NRXN3: variants seen among roughly 807,000 people sequenced by gnomAD.
The protein encoded by NRXN3 is neurexin 3.
Under a neutral mutation model 137.6 loss-of-function variants are expected in NRXN3, and 32 were observed. That is an observed-to-expected ratio of 0.23 (90% CI 0.18 to 0.31). The LOEUF (loss-of-function observed/expected upper bound fraction) is 0.31, where lower values mean the gene tolerates loss of function less well. Ranked by LOEUF, NRXN3 falls within the 10% of genes least tolerant of loss-of-function variation. The pLI, the probability that NRXN3 is intolerant of heterozygous loss-of-function variation, is 1.00. For synonymous variants in NRXN3, 798 were observed against 784.5 expected, an observed-to-expected ratio of 1.02 and a Z score of -0.29; for missense variants, 1,574 against 2,062.5, an observed-to-expected ratio of 0.76 and a Z score of 4.59.
chr14:79,045,892 A>G (rs1035303073), intron 15 of NRXN3, among the ~76,000 whole-genome samples: 11 of 152,150 alleles, frequency 7.2e-5, no homozygotes, highest in African/African-American at 2.7e-4. Flanking sequence ...ATATTTTAAA[A>G]ACTCCCAAGT....
At chr14:78,728,100 T>C (rs2098495265) in intron 8 of NRXN3, among the ~76,000 whole-genome samples, 1 of 152,212 alleles carries the variant, frequency 6.6e-6, no homozygotes, top group African/African-American at 2.4e-5. Flanking sequence ...GAATCCTTGA[T>C]GAGATCTGTC....
intron 15 of NRXN3, among the ~76,000 whole-genome samples, chr14:79,116,910 T>TC (rs1434505595): frequency 1.3e-5 from 2 of 152,240 alleles, no homozygotes; most frequent in East Asian, 3.8e-4. Flanking sequence ...TTCCTTCTTC[T>TC]CCATGCCTTG....
chr14:79,641,077 G>A (rs1225530475), intron 16 of NRXN3, among the ~76,000 whole-genome samples: 2 of 133,270 alleles, frequency 1.5e-5, no homozygotes, highest in East Asian at 4.0e-4. Context: ...GTACAATCTC[G>A]GCTCACTGTA....
intron 20 of NRXN3, among the ~76,000 whole-genome samples, chr14:79,831,680 A>T (rs1022295501): frequency 6.6e-6 from 1 of 152,158 alleles, no homozygotes; most frequent in Admixed American, 6.6e-5. Flanking sequence ...CCGACTACTC[A>T]TGAGAGACTA....
chr14:78,589,836 A>T (rs535582869), intron 4 of NRXN3, among the ~76,000 whole-genome samples: 1 of 152,292 alleles, frequency 6.6e-6, no homozygotes, highest in Admixed American at 6.5e-5. Context: ...CAGAGAAAAG[A>T]ATCAAATGGC....
At chr14:79,385,204 T>TCCCCCCCCCCCC (rs557799323) in intron 15 of NRXN3, among the ~76,000 whole-genome samples, 27 of 90,520 alleles carry the variant, frequency 3.0e-4, no homozygotes, top group South Asian at 9.6e-4. Flanking sequence ...ATGCTATCCT[T>TCCCCCCCCCCCC]CCCCCCGCCC....
At chr14:78,314,876 CCGTTCTTTCTTTCTTTCT>C (rs368012901) in intron 4 of NRXN3, among the ~76,000 whole-genome samples, 2,981 of 110,696 alleles carry the variant, frequency 0.027, 83 homozygotes, top group African/African-American at 0.059. Flanking sequence ...TTTTTCTTTT[CCGTTCTTTCTTTCTTTCT>C]CTTTCTTTCT....
intron 2 of NRXN3, among the ~76,000 whole-genome samples, chr14:78,267,674 A>G (rs1161370897): frequency 2.0e-5 from 3 of 152,190 alleles, no homozygotes; most frequent in Non-Finnish European, 4.4e-5. Context: ...AAAAAAAATA[A>G]AAGATTTCTC....
intron 19 of NRXN3, among the ~76,000 whole-genome samples, chr14:79,796,662 C>A (rs1263244768): frequency 6.6e-6 from 1 of 152,170 alleles, no homozygotes; most frequent in Non-Finnish European, 1.5e-5. Flanking sequence ...TTAATTAAAT[C>A]TTGAGTCTGC....
At chr14:79,279,301 G>C (rs1438095333) in intron 15 of NRXN3, 1 of 962,274 alleles carries the variant, frequency 1.0e-6, no homozygotes, top group Non-Finnish European at 1.2e-6. Flanking sequence ...CAGAGCGCTG[G>C]GGCTGCACTG....
intron 10 of NRXN3, among the ~76,000 whole-genome samples, chr14:78,868,970 G>A (rs962115191): frequency 3.3e-5 from 5 of 152,298 alleles, no homozygotes; most frequent in Non-Finnish European, 7.3e-5. Flanking sequence ...CGGAGTAACT[G>A]TAGGTCCCGC....
chr14:79,091,151 G>T (rs1326319226), intron 15 of NRXN3, among the ~76,000 whole-genome samples: 4 of 149,876 alleles, frequency 2.7e-5, no homozygotes, highest in Non-Finnish European at 5.9e-5. Context: ...AAAACATTCT[G>T]TCTTGATCAA....
chr14:78,367,506 C>T (rs1278404770), intron 4 of NRXN3, among the ~76,000 whole-genome samples: 1 of 152,158 alleles, frequency 6.6e-6, no homozygotes, highest in Non-Finnish European at 1.5e-5. Context: ...TTACAATTCA[C>T]AACCAACCAG....
At chr14:78,202,271 A>G (rs557204189) in intron 1 of NRXN3, among the ~76,000 whole-genome samples, 1 of 152,394 alleles carries the variant, frequency 6.6e-6, no homozygotes, top group South Asian at 2.1e-4. Flanking sequence ...GTCTGCAGTC[A>G]GAGAGGATTT....
intron 8 of NRXN3, among the ~76,000 whole-genome samples, chr14:78,761,170 C>T (rs1409298568): frequency 6.6e-6 from 1 of 152,238 alleles, no homozygotes; most frequent in South Asian, 2.1e-4. Flanking sequence ...CAAAATTCCC[C>T]GCAATCGCTC....
chr14:78,670,824 G>A (rs2097926830), intron 6 of NRXN3, among the ~76,000 whole-genome samples: 1 of 152,168 alleles, frequency 6.6e-6, no homozygotes, highest in Admixed American at 6.6e-5. Context: ...AGAAGTTTCT[G>A]GTTTGGCAAC....
intron 4 of NRXN3, among the ~76,000 whole-genome samples, chr14:78,445,692 C>A (rs538690898): frequency 6.6e-6 from 1 of 152,336 alleles, no homozygotes; most frequent in Middle Eastern, 3.4e-3. Context: ...GAAAGACCAA[C>A]TATTGTTCAC....
intron 14 of NRXN3, among the ~76,000 whole-genome samples, chr14:78,982,364 G>A (rs1007864577): frequency 1.3e-5 from 2 of 152,076 alleles, no homozygotes; most frequent in Non-Finnish European, 2.9e-5. Flanking sequence ...AGACAGACAA[G>A]GCTTCTGCCC....
chr14:78,568,402 CT>C (rs1359013943), intron 4 of NRXN3, among the ~76,000 whole-genome samples: 1 of 152,190 alleles, frequency 6.6e-6, no homozygotes, highest in Non-Finnish European at 1.5e-5. Context: ...TAATCTTGGA[CT>C]TCCAAGCCCC....
Sources: allele counts gnomAD v4.1 joint callset (sites outside exome capture counted in the v4.1 genomes callset), GRCh38; gene constraint gnomAD v4.1.1; transcripts MANE v1.5; gene names NCBI Gene and HGNC (gene_info 2026-07-23, HGNC 2026-07-21).